The following FAAH2 variants were observed in gnomAD, a reference collection of about 807,000 sequenced individuals.
FAAH2 encodes the protein fatty-acid amide hydrolase 2.
FAAH2 carries 60 observed loss-of-function variants against 36.9 expected under a neutral mutation model. The ratio of observed to expected loss-of-function variants is 1.63; its 90% CI spans 1.32 to 2.02. The LOEUF is 2.02. Ranked by LOEUF, FAAH2 falls within the 30% of genes most tolerant of loss-of-function variation. The pLI, the probability that FAAH2 is intolerant of heterozygous loss-of-function variation, is 0.00. For missense variants in FAAH2, 689 were observed against 397.5 expected, an observed-to-expected ratio of 1.73 and a Z score of -6.23; for synonymous variants, 214 against 143.8, an observed-to-expected ratio of 1.49 and a Z score of -3.49.
chrX:57,277,356 C>A, the FAAH2 span, among the ~76,000 whole-genome samples: 1 of 111,599 alleles, frequency 9.0e-6, no homozygotes, highest in East Asian at 2.8e-4. Flanking sequence ...GCAGAAATGG[C>A]CTTCAACAAA....
At chrX:57,148,358 G>A in the FAAH2 span, among the ~76,000 whole-genome samples, 1 of 111,680 alleles carries the variant, frequency 9.0e-6, no homozygotes, top group Non-Finnish European at 1.9e-5. Flanking sequence ...TGGGCATTAA[G>A]GCCATTTTCA....
At chrX:57,304,975 C>T (rs1306169715) in intron 2 of FAAH2, among the ~76,000 whole-genome samples, 2 of 111,563 alleles carry the variant, frequency 1.8e-5, no homozygotes, top group African/African-American at 3.3e-5. Context: ...CCTTTGGCTT[C>T]TAGACAGTGC....
chrX:57,198,237 T>C, the FAAH2 span, among the ~76,000 whole-genome samples: 15 of 111,402 alleles, frequency 1.3e-4, no homozygotes, highest in African/African-American at 4.3e-4. Flanking sequence ...TCTTCTTTGG[T>C]AGGAATTGCT....
intron 5 of FAAH2, among the ~76,000 whole-genome samples, chrX:57,364,136 A>C (rs1335572357): frequency 1.9e-5 from 2 of 106,223 alleles, no homozygotes; most frequent in Admixed American, 1.0e-4. Flanking sequence ...TATGGGTATC[A>C]GATTTTCTTT....
At chrX:57,346,223 T>G (rs1043444853) in intron 5 of FAAH2, among the ~76,000 whole-genome samples, 5 of 111,572 alleles carry the variant, frequency 4.5e-5, no homozygotes, top group Non-Finnish European at 7.5e-5. Context: ...TCAGTGGGGT[T>G]TTGAAATCTC....
At chrX:57,349,746 T>C (rs1434692844) in intron 5 of FAAH2, among the ~76,000 whole-genome samples, 1 of 108,231 alleles carries the variant, frequency 9.2e-6, no homozygotes, top group African/African-American at 3.3e-5. Flanking sequence ...AACCAAGGCC[T>C]CCAAGATCTT....
intron 1 of FAAH2, among the ~76,000 whole-genome samples, chrX:57,287,996 C>A (rs1343514608): frequency 9.0e-6 from 1 of 111,467 alleles, no homozygotes; most frequent in East Asian, 2.8e-4. Flanking sequence ...CCCACTCATG[C>A]ATGCTTTTCT....
chrX:57,296,101 G>A (rs1279796723), intron 2 of FAAH2, among the ~76,000 whole-genome samples: 1 of 112,085 alleles, frequency 8.9e-6, no homozygotes, highest in African/African-American at 3.2e-5. Flanking sequence ...TTTGAAGAGA[G>A]TAGTGGTTCT....
intron 5 of FAAH2, among the ~76,000 whole-genome samples, chrX:57,363,641 C>T (rs983739582): frequency 1.7e-4 from 19 of 111,126 alleles, no homozygotes; most frequent in African/African-American, 4.6e-4. Context: ...TTGTCTTTTT[C>T]CACTTCTCAA....
chrX:57,261,607 A>T, the FAAH2 span, among the ~76,000 whole-genome samples: 1 of 109,365 alleles, frequency 9.1e-6, no homozygotes, highest in Non-Finnish European at 1.9e-5. Flanking sequence ...ATATTTATAC[A>T]GAATTCCAGA....
chrX:57,429,541 G>A (rs188639896), intron 7 of FAAH2, among the ~76,000 whole-genome samples: 49 of 111,055 alleles, frequency 4.4e-4, no homozygotes, highest in African/African-American at 1.6e-3. Flanking sequence ...ACAGATATTG[G>A]CAAGTATGGA....
Position 57,292,519 on chromosome X carries a change from C to G in FAAH2, c.214C>G (p.Gln72Glu), listed in dbSNP as rs759773429. The change falls in exon 2 of 11, where the codon CAG becomes GAG. Residue 72 changes from glutamine (Q) to glutamate (E), a missense_variant. Physicochemically the swap from Gln to Glu is conservative, Grantham distance 29. Transcript: ENST00000374900. ...GCAGGTGAAATGTATAGATGTTGTTCAGGCTTATATCAACAGAATCAAGGA... is the reference window on the plus strand; with the variant it reads ...GCAGGTGAAATGTATAGATGTTGTTGAGGCTTATATCAACAGAATCAAGGA... Reference protein sequence around the residue: ...QRKVKCIDVVQAYINRIKDVN... With the variant: ...QRKVKCIDVVEAYINRIKDVN... The G allele has an allele frequency of 8.3e-7, 1 of 1,206,891 alleles. No individual in the cohort carries two copies. The highest frequency in any genetic ancestry group is 1.1e-6 in the Non-Finnish European group (1 of 893,380).
chrX:57,440,621 A>G (rs1354865127), intron 8 of FAAH2, among the ~76,000 whole-genome samples: 1 of 111,798 alleles, frequency 8.9e-6, no homozygotes, highest in Non-Finnish European at 1.9e-5. Flanking sequence ...TTCCCTAAAG[A>G]GAACTTCCAA....
chrX:57,437,020 A>G (rs966721546), intron 8 of FAAH2, among the ~76,000 whole-genome samples: 2 of 111,317 alleles, frequency 1.8e-5, no homozygotes, highest in African/African-American at 3.3e-5. Context: ...TCATAACAAA[A>G]AGATAATACG....
chrX:57,164,425 A>G, the FAAH2 span, among the ~76,000 whole-genome samples: 1 of 112,207 alleles, frequency 8.9e-6, no homozygotes, highest in African/African-American at 3.2e-5. Context: ...AGTAGAGAAG[A>G]TCTCTGTGGG....
chrX:57,151,867 T>G, the FAAH2 span, among the ~76,000 whole-genome samples: 1 of 111,401 alleles, frequency 9.0e-6, no homozygotes, highest in African/African-American at 3.3e-5. Context: ...TTCTGCTCTG[T>G]TTTTTCCCCA....
chrX:57,272,131 C>G, the FAAH2 span, among the ~76,000 whole-genome samples: 2 of 105,400 alleles, frequency 1.9e-5, no homozygotes, highest in African/African-American at 3.5e-5. Flanking sequence ...CTGAATAGAT[C>G]AAGCAGAAGA....
intron 8 of FAAH2, among the ~76,000 whole-genome samples, chrX:57,439,172 A>C (rs1478383572): frequency 1.1e-4 from 12 of 109,786 alleles, no homozygotes; most frequent in Admixed American, 8.8e-4. Context: ...CTGAGGAATC[A>C]CCACACTGAC....
chrX:57,132,077 C>T, the FAAH2 span, among the ~76,000 whole-genome samples: 4 of 112,184 alleles, frequency 3.6e-5, no homozygotes, highest in African/African-American at 6.5e-5. Context: ...ACGTGATATA[C>T]GTAATGAATT....
Sources: gnomAD v4.1 joint callset for allele counts (sites outside exome capture counted in the v4.1 genomes callset) on GRCh38, gnomAD v4.1.1 for gene constraint, MANE v1.5 for transcripts, NCBI Gene and HGNC (gene_info 2026-07-23, HGNC 2026-07-21) for gene names.